Variants in RFTN2 observed in about 807,000 individuals in gnomAD.
RFTN2 encodes the protein raftlin family member 2.
A neutral mutation model predicts 52.7 loss-of-function variants in RFTN2; 34 were observed. The ratio of observed to expected loss-of-function variants is 0.64; its 90% CI spans 0.49 to 0.86. RFTN2 has a LOEUF of 0.86. Ranked by LOEUF, RFTN2 falls within the 40% of genes least tolerant of loss-of-function variation. The pLI, the probability that RFTN2 is intolerant of heterozygous loss-of-function variation, is 0.00. For synonymous variants in RFTN2, 203 were observed against 217.7 expected, an observed-to-expected ratio of 0.93 and a Z score of 0.59; for missense variants, 536 against 600.1, an observed-to-expected ratio of 0.89 and a Z score of 1.12.
chr2:197,655,304 A>G (rs768926156), intron 1 of RFTN2, among the ~76,000 whole-genome samples: 11 of 152,186 alleles, frequency 7.2e-5, no homozygotes, highest in Non-Finnish European at 1.5e-4. Context: ...ATTTTGCATC[A>G]TTGGAATAAG....
chr2:197,669,300 T>C (rs2089109117), intron 1 of RFTN2, among the ~76,000 whole-genome samples: 1 of 152,044 alleles, frequency 6.6e-6, no homozygotes. Context: ...GACCACAGAG[T>C]TTTCTCTCTT....
At chr2:197,585,221 C>T (rs1471497485) in intron 8 of RFTN2, among the ~76,000 whole-genome samples, 3 of 152,172 alleles carry the variant, frequency 2.0e-5, no homozygotes, top group African/African-American at 7.2e-5. Context: ...TTCATCCTTA[C>T]CCTACTTTTT....
chr2:197,658,271 T>C (rs182131541), intron 1 of RFTN2, among the ~76,000 whole-genome samples: 1 of 151,862 alleles, frequency 6.6e-6, no homozygotes, highest in African/African-American at 2.4e-5. Flanking sequence ...ACCTTACTTA[T>C]GAGGGATGTG....
At chr2:197,619,036 C>T (rs1344686004) in intron 5 of RFTN2, among the ~76,000 whole-genome samples, 10 of 150,966 alleles carry the variant, frequency 6.6e-5, no homozygotes, top group East Asian at 5.9e-4. Context: ...CCCGGCCAGC[C>T]GCCCTGTCCG....
At chr2:197,620,883 T>C (rs1191560122) in intron 5 of RFTN2, among the ~76,000 whole-genome samples, 1 of 152,176 alleles carries the variant, frequency 6.6e-6, no homozygotes, top group Admixed American at 6.5e-5. Context: ...GGAGAATCGC[T>C]TGAACCCGGG....
intron 5 of RFTN2, among the ~76,000 whole-genome samples, chr2:197,629,675 T>TACACACACACACACAC (rs60384360): frequency 0.013 from 1,965 of 146,548 alleles, 23 homozygotes; most frequent in East Asian, 0.042. Flanking sequence ...TTAATTTTTA[T>TACACACACACACACAC]ACACACACAC....
At chr2:197,599,009 T>G (rs2087835928) in intron 7 of RFTN2, among the ~76,000 whole-genome samples, 1 of 151,980 alleles carries the variant, frequency 6.6e-6, no homozygotes, top group Non-Finnish European at 1.5e-5. Context: ...TGGAGTGCAG[T>G]GGCACGACCT....
intron 3 of RFTN2, among the ~76,000 whole-genome samples, chr2:197,639,350 C>T (rs1269724800): frequency 6.6e-6 from 1 of 151,556 alleles, no homozygotes; most frequent in African/African-American, 2.4e-5. Flanking sequence ...AACTTGGTTC[C>T]ATTCTCCGCA....
chr2:197,645,985 C>T (rs2088742539), intron 2 of RFTN2, among the ~76,000 whole-genome samples: 1 of 151,910 alleles, frequency 6.6e-6, no homozygotes, highest in African/African-American at 2.4e-5. Flanking sequence ...GAGTTGGTGC[C>T]ATTGCACTCC....
At chr2:197,593,342 A>T (rs2087746864) in intron 8 of RFTN2, among the ~76,000 whole-genome samples, 1 of 152,116 alleles carries the variant, frequency 6.6e-6, no homozygotes, top group Admixed American at 6.5e-5. Flanking sequence ...GGAGTTTGAG[A>T]CCAGACTGGG....
At chr2:197,675,291 T>C (rs1327539167) in intron 1 of RFTN2, 29 bp downstream of exon 1, 2 of 1,543,450 alleles carry the variant, frequency 1.3e-6, no homozygotes, top group South Asian at 1.3e-5. Flanking sequence ...TCTGAAACAT[T>C]TAACAAACAA....
In RFTN2 at chr2:197,611,139, G is replaced by T. The variant is rs138850927; in HGVS notation, c.1154+4737C>A. Among the ~76,000 whole-genome samples the T allele has an allele frequency of 4.3e-3, 655 of 152,282 alleles. 5 individuals are homozygous for T. The highest frequency in any genetic ancestry group is 0.015 in the African/African-American group (629 of 41,560). ...GATGCTGGCCTCAAAAATGAGTTAGGGGGGAGTCCCTCTTTTTCTGTTGAT... is the reference window on the plus strand; with the variant it reads ...GATGCTGGCCTCAAAAATGAGTTAGTGGGGAGTCCCTCTTTTTCTGTTGAT... On this transcript the variant is annotated intron_variant, in intron 7 of 8. Coordinates refer to ENST00000295049, the MANE Select transcript of RFTN2 (RefSeq NM_144629.3).
intron 3 of RFTN2, among the ~76,000 whole-genome samples, chr2:197,637,884 A>G (rs962823691): frequency 3.8e-4 from 58 of 152,102 alleles, no homozygotes; most frequent in Middle Eastern, 3.4e-3. Context: ...TTAGTGCTGT[A>G]AATTTCCCTC....
chr2:197,648,862 T>C (rs1005471012), intron 1 of RFTN2, among the ~76,000 whole-genome samples: 1 of 152,244 alleles, frequency 6.6e-6, no homozygotes, highest in Non-Finnish European at 1.5e-5. Context: ...GAGTTAATTA[T>C]TCCTTCCTCT....
chr2:197,619,756 T>TAA (rs1376416160), intron 5 of RFTN2, among the ~76,000 whole-genome samples: 11 of 129,334 alleles, frequency 8.5e-5, no homozygotes, highest in Non-Finnish European at 1.5e-4. Context: ...AAAAAAATAA[T>TAA]AATAACAATA....
intron 4 of RFTN2, 101 bp downstream of exon 4, chr2:197,633,617 T>G (rs185523922): frequency 1.1e-6 from 1 of 883,378 alleles, no homozygotes; most frequent in East Asian, 2.5e-5. Context: ...GTCATTATAA[T>G]CTTTAGCAAT....
intron 6 of RFTN2, among the ~76,000 whole-genome samples, chr2:197,616,290 T>TTTTA (rs2088142667): frequency 4.0e-5 from 1 of 24,826 alleles, no homozygotes; most frequent in African/African-American, 2.1e-4. Flanking sequence ...TTTTATTTTA[T>TTTTA]TTTATTTTAT....
At chr2:197,669,990 G>A (rs1232898248) in intron 1 of RFTN2, among the ~76,000 whole-genome samples, 1 of 152,094 alleles carries the variant, frequency 6.6e-6, no homozygotes, top group Non-Finnish European at 1.5e-5. Context: ...TTCCGTTTGA[G>A]CATATAAAGG....
chr2:197,600,195 C>T lies in RFTN2; in HGVS notation c.1155-4126G>A, dbSNP rs545453825. Among the ~76,000 whole-genome samples, 21 of 152,210 alleles carry T rather than the reference C, an allele frequency of 1.4e-4. No homozygotes were observed. The South Asian group carries it at 3.3e-3, about 24-fold the overall frequency. ...TTTAAAACTGTTCGGTTGAAACTGACGAGTAATGCCTTCCAGTGGCCCTAT... is the reference window on the plus strand; with the variant it reads ...TTTAAAACTGTTCGGTTGAAACTGATGAGTAATGCCTTCCAGTGGCCCTAT... On this transcript the variant is annotated intron_variant, in intron 7 of 8. Transcript: ENST00000295049.
Sources: allele counts gnomAD v4.1 joint callset (sites outside exome capture counted in the v4.1 genomes callset), GRCh38; gene constraint gnomAD v4.1.1; transcripts MANE v1.5; gene names NCBI Gene and HGNC (gene_info 2026-07-23, HGNC 2026-07-21).